SELENOI: variants seen among roughly 807,000 people sequenced by gnomAD.
SELENOI encodes ethanolaminephosphotransferase 1.
A neutral mutation model predicts 50.7 loss-of-function variants in SELENOI; 24 were observed. The observed-to-expected ratio is 0.47, with a 90% confidence interval of 0.34 to 0.67. The LOEUF is 0.67. SELENOI is among the 30% of genes least tolerant of loss of function. SELENOI has a pLI of 0.01. For missense variants in SELENOI, 352 were observed against 461.4 expected (o/e 0.76, Z 2.17); for synonymous variants, 155 against 170.2 (o/e 0.91, Z 0.70).
intron 1 of SELENOI, among the ~76,000 whole-genome samples, chr2:26,362,430 A>G (rs1315317284): frequency 2.0e-5 from 3 of 152,198 alleles, no homozygotes; most frequent in Non-Finnish European, 2.9e-5. Context: ...AATGATTACT[A>G]CTTATTTTGT....
At chr2:26,361,485 T>C (rs1417963020) in intron 1 of SELENOI, among the ~76,000 whole-genome samples, 1 of 152,234 alleles carries the variant, frequency 6.6e-6, no homozygotes, top group Non-Finnish European at 1.5e-5. Context: ...AACGTCTGTG[T>C]GTACTGTACT....
chr2:26,354,210 G>A lies in SELENOI; in HGVS notation c.57+7921G>A, dbSNP rs984004217. 4.0e-5 allele frequency among the ~76,000 whole-genome samples: 6 copies of A among 151,758 alleles called. No homozygotes were observed. In the South Asian group the frequency reaches 6.3e-4, roughly 16 times the overall value. ...GAGGTACTATTTTCCCTGTTTCACC[G>A]AGACACTGAAAATTTAAGTAATTTG... On this transcript the variant is annotated intron_variant, in intron 1 of 9. Coordinates refer to ENST00000260585, the MANE Select transcript of SELENOI (RefSeq NM_033505.4).
intron 1 of SELENOI, among the ~76,000 whole-genome samples, chr2:26,361,653 ATTTCT>A (rs1341937968): frequency 5.4e-5 from 8 of 147,336 alleles, no homozygotes; most frequent in South Asian, 2.1e-4. Flanking sequence ...GTCCATCATC[ATTTCT>A]TTTTTTTTTT....
chr2:26,389,233 A>G lies in SELENOI; in HGVS notation c.*130A>G, dbSNP rs1353561575. On this transcript the variant is annotated 3_prime_UTR_variant, in exon 10 of 10. Coordinates refer to ENST00000260585, the MANE Select transcript of SELENOI (RefSeq NM_033505.4). ...GTATGGTACTTGGACAGCAGGAATG[A>G]TACATATAATCTGAACTTGGGAAAT... 2 of 696,302 alleles carry G rather than the reference A, an allele frequency of 2.9e-6. No individual in the cohort carries two copies. Among genetic ancestry groups the G allele is most frequent in the Non-Finnish European group, 4.8e-6 (2 of 416,872 alleles). The allele number at this position is 696,302 out of a possible 1,614,324, so 43.1% of individuals were successfully genotyped here.
intron 1 of SELENOI, among the ~76,000 whole-genome samples, chr2:26,354,624 T>C (rs1035683276): frequency 1.3e-4 from 20 of 151,984 alleles, no homozygotes; most frequent in Non-Finnish European, 2.4e-4. Context: ...ATCTCCTGAC[T>C]TCATGATTCG....
intron 3 of SELENOI, 48 bp from the exon 4 acceptor site, chr2:26,367,098 A>T: frequency 1.3e-6 from 2 of 1,507,096 alleles, no homozygotes; most frequent in Non-Finnish European, 9.1e-7. Context: ...TATGGTAAGA[A>T]CTACTGTACT....
chr2:26,362,598 TA>T (rs148661326), intron 1 of SELENOI, among the ~76,000 whole-genome samples: 175 of 151,886 alleles, frequency 1.2e-3, no homozygotes, highest in African/African-American at 4.0e-3. Context: ...CCGTCTCTAC[TA>T]AAAATACAAA....
intron 6 of SELENOI, among the ~76,000 whole-genome samples, chr2:26,380,242 C>G (rs1316411773): frequency 6.6e-6 from 1 of 152,190 alleles, no homozygotes; most frequent in Non-Finnish European, 1.5e-5. Context: ...TTTCTTTCCT[C>G]AGAGGTAACC....
chr2:26,381,286 G>A (rs1253495250), intron 6 of SELENOI, among the ~76,000 whole-genome samples: 1 of 131,062 alleles, frequency 7.6e-6, no homozygotes, highest in Admixed American at 8.9e-5. Context: ...ATGAAGTCTG[G>A]GCCTTCACTT....
chr2:26,388,724 A>G (rs1353125939), intron 9 of SELENOI, among the ~76,000 whole-genome samples: 1 of 152,218 alleles, frequency 6.6e-6, no homozygotes, highest in Non-Finnish European at 1.5e-5. Flanking sequence ...CTACAGGTCA[A>G]CTAATCCTAT....
At chr2:26,383,885 A>T (rs530049166) in intron 7 of SELENOI, among the ~76,000 whole-genome samples, 133 of 152,182 alleles carry the variant, frequency 8.7e-4, no homozygotes, top group Middle Eastern at 3.4e-3. Context: ...AAAAAAAAAA[A>T]TTTTAGCAAG....
chr2:26,346,349 G>C, intron 1 of SELENOI, 60 bp downstream of exon 1: 1 of 1,541,908 alleles, frequency 6.5e-7, no homozygotes, highest in Non-Finnish European at 8.7e-7. Flanking sequence ...GCGGCTGAGG[G>C]GCCCGCGCGG....
intron 1 of SELENOI, among the ~76,000 whole-genome samples, chr2:26,359,857 C>T (rs749814360): frequency 1.3e-5 from 2 of 152,038 alleles, no homozygotes; most frequent in Non-Finnish European, 1.5e-5. Flanking sequence ...GACTGTTTTA[C>T]GTCTTCTCCT....
intron 6 of SELENOI, among the ~76,000 whole-genome samples, chr2:26,377,804 G>C (rs114169161): frequency 6.6e-6 from 1 of 151,680 alleles, no homozygotes; most frequent in African/African-American, 2.4e-5. Context: ...CCAACATCTG[G>C]GCCCACTTAA....
At position 26,373,488 on chromosome 2, in the gene SELENOI, T is replaced by G. The variant is rs764871807; in HGVS notation, c.432T>G (p.Phe144Leu). ...VYFVVTVYSIFGRGSTGVSVF... is the reference protein window; with the variant it reads ...VYFVVTVYSILGRGSTGVSVF... ...TTGTTGTGACTGTTTATTCCATCTT[T>G]GGAAGAGGATCAACTGGTGTCAGTG... Residue 144 changes from phenylalanine to leucine, a missense_variant, in exon 5 of 10, where the codon TTT becomes TTG. Coordinates refer to ENST00000260585, the MANE Select transcript of SELENOI (RefSeq NM_033505.4). The G allele has an allele frequency of 1.9e-6, 3 of 1,613,920 alleles. No homozygotes were observed. The highest frequency in any genetic ancestry group is 1.7e-6 in the Non-Finnish European group (2 of 1,179,898).
chr2:26,366,607 T>C (rs11904668), intron 3 of SELENOI, among the ~76,000 whole-genome samples: 64,213 of 151,978 alleles, frequency 0.42, 14,622 homozygotes, highest in Non-Finnish European at 0.51. Flanking sequence ...GACTAGACCC[T>C]AGACTTTCTG....
At chr2:26,379,602 G>A (rs1017983932) in intron 6 of SELENOI, among the ~76,000 whole-genome samples, 10 of 149,040 alleles carry the variant, frequency 6.7e-5, no homozygotes, top group African/African-American at 2.2e-4. Context: ...TCTGCTGCAA[G>A]TATATATATA....
chr2:26,384,111 C>T lies in SELENOI; in HGVS notation c.731+764C>T, dbSNP rs538858849. Among the ~76,000 whole-genome samples, 415 of 152,300 alleles carry T rather than the reference C, an allele frequency of 2.7e-3. 1 individual carries two copies. Among genetic ancestry groups the T allele is most frequent in the African/African-American group, 9.6e-3 (401 of 41,566 alleles). On this transcript the variant is annotated intron_variant, in intron 7 of 9. Coordinates refer to ENST00000260585, the MANE Select transcript of SELENOI (RefSeq NM_033505.4). ...CTGAATATATTTTGCTCTTTCCCTTCTTAGTAATTTTACTCCCACTGCTTC... is the reference window on the plus strand; with the variant it reads ...CTGAATATATTTTGCTCTTTCCCTTTTTAGTAATTTTACTCCCACTGCTTC...
intron 1 of SELENOI, among the ~76,000 whole-genome samples, chr2:26,355,517 T>C (rs969567669): frequency 2.0e-5 from 3 of 152,240 alleles, no homozygotes; most frequent in African/African-American, 7.2e-5. Flanking sequence ...CCTTTTGCCA[T>C]ATCTTCTCAT....
Sources: allele counts gnomAD v4.1 joint callset (sites outside exome capture counted in the v4.1 genomes callset), GRCh38; gene constraint gnomAD v4.1.1; transcripts MANE v1.5; gene names NCBI Gene and HGNC (gene_info 2026-07-23, HGNC 2026-07-21).